The following SRPK1 variants were observed in gnomAD, a reference collection of about 807,000 sequenced individuals.
The protein encoded by SRPK1 is SFRS protein kinase 1.
Under a neutral mutation model 89.5 loss-of-function variants are expected in SRPK1, and 52 were observed. That is an observed-to-expected ratio of 0.58 (90% CI 0.46 to 0.73). The LOEUF (loss-of-function observed/expected upper bound fraction) is 0.73. SRPK1 is among the 30% of genes least tolerant of loss of function. The pLI, the probability that SRPK1 is intolerant of heterozygous loss-of-function variation, is 0.00. For missense variants in SRPK1, 603 were observed against 780.6 expected, an observed-to-expected ratio of 0.77 and a Z score of 2.71; for synonymous variants, 255 against 270.2, an observed-to-expected ratio of 0.94 and a Z score of 0.55.
chr6:35,854,607 T>C (rs1769628828), intron 13 of SRPK1, among the ~76,000 whole-genome samples: 1 of 152,202 alleles, frequency 6.6e-6, no homozygotes, highest in Non-Finnish European at 1.5e-5. Flanking sequence ...GAGGTGAGAT[T>C]AATTACGCCT....
chr6:35,880,742 A>AAAAAAAAAAAAAAAAAAAAG, intron 6 of SRPK1, among the ~76,000 whole-genome samples: 7 of 28,194 alleles, frequency 2.5e-4, no homozygotes, highest in East Asian at 1.0e-3. Context: ...AAAGAAAAAA[A>AAAAAAAAAAAAAAAAAAAAG]AAAAAAAAGA....
intron 12 of SRPK1, 128 bp downstream of exon 12, chr6:35,868,881 TA>T (rs1278458375): frequency 1.5e-5 from 10 of 673,170 alleles, no homozygotes; most frequent in South Asian, 4.5e-5. Flanking sequence ...TTTTTAAATG[TA>T]AAAAAATATT....
Position 35,886,709 on chromosome 6 carries a change from T to C in SRPK1, c.478+15A>G, listed in dbSNP as rs755808542. Reference sequence around the variant, plus strand: ...TTGGGATGATTTATTCTCAAATAGGTTTTTAAAAGGATACGTGTTCCATTA... The same window carrying C: ...TTGGGATGATTTATTCTCAAATAGGCTTTTAAAAGGATACGTGTTCCATTA... On this transcript the variant is annotated intron_variant, in intron 6 of 15. Transcript: ENST00000373825. 2 of 1,468,592 alleles carry C rather than the reference T, an allele frequency of 1.4e-6. No individual in the cohort carries two copies. Among genetic ancestry groups the C allele is most frequent in the Non-Finnish European group, 1.9e-6 (2 of 1,050,802 alleles). 91.0% of individuals were successfully genotyped at this position (1,468,592 alleles called of 1,614,324 possible).
rs746451290 is a variant in SRPK1 at position 35,835,479 on chromosome 6, T to C, written c.1793A>G (p.Lys598Arg). Reference sequence around the variant, plus strand: ...CCAAGGTTTCAGCTTCGTGATATGTTTCAGGTCACCTGCAGTGAAGACAGT... The same window carrying C: ...CCAAGGTTTCAGCTTCGTGATATGTCTCAGGTCACCTGCAGTGAAGACAGT... ...KEFFTKKGDL[K>R]HITKLKPWGL... The change falls in exon 16 of 16, where the codon AAA becomes AGA. Residue 598 changes from lysine to arginine, a missense_variant. Physicochemically the swap from Lys to Arg is conservative, Grantham distance 26 (BLOSUM62 2). Transcript: ENST00000373825. 6.2e-7 allele frequency: 1 copy of C among 1,612,240 alleles called. No homozygotes were observed. The highest frequency in any genetic ancestry group is 1.1e-5 in the South Asian group (1 of 90,596).
chr6:35,888,472 A>G (rs1370398404), intron 4 of SRPK1, among the ~76,000 whole-genome samples: 1 of 152,236 alleles, frequency 6.6e-6, no homozygotes, highest in Admixed American at 6.5e-5. Flanking sequence ...TATATAGGCA[A>G]AAACTAAAAG....
At position 35,870,414 on chromosome 6, in the gene SRPK1, C is replaced by A. The variant is rs375952339; in HGVS notation, c.858G>T (p.Met286Ile). The A allele has an allele frequency of 1.5e-5, 23 of 1,576,206 alleles. No individual in the cohort carries two copies. Among genetic ancestry groups the A allele is most frequent in the Non-Finnish European group, 1.9e-5 (22 of 1,159,256 alleles). ...CTTTCTCCATTTCCTCAATTTCCTG[C>A]ATTCGCTTCTCTAGTAATTCTGCCT... ...KRQAELLEKR[M>I]QEIEEMEKES... The change falls in exon 10 of 16, where the codon ATG becomes ATT. Residue 286 changes from methionine (M) to isoleucine (I), a missense_variant. Coordinates refer to ENST00000373825, the MANE Select transcript of SRPK1 (RefSeq NM_003137.5).
At chr6:35,850,747 AC>A (rs1581994128) in intron 13 of SRPK1, among the ~76,000 whole-genome samples, 1 of 152,162 alleles carries the variant, frequency 6.6e-6, no homozygotes, top group East Asian at 1.9e-4. Flanking sequence ...GCAAACAACA[AC>A]AAAAAAAACC....
intron 6 of SRPK1, among the ~76,000 whole-genome samples, chr6:35,880,746 A>AAAAAAAAAAAAAAAGAAAAAAAG (rs1770263877): frequency 1.1e-5 from 1 of 89,204 alleles, no homozygotes; most frequent in Admixed American, 1.2e-4. Flanking sequence ...AAAAAAAAAA[A>AAAAAAAAAAAAAAAGAAAAAAAG]AAAAGAAAAG....
chr6:35,881,575 G>A (rs1770292403), intron 6 of SRPK1, among the ~76,000 whole-genome samples: 1 of 151,848 alleles, frequency 6.6e-6, no homozygotes, highest in Non-Finnish European at 1.5e-5. Context: ...CATGCAAATA[G>A]TAACCAAACG....
intron 2 of SRPK1, among the ~76,000 whole-genome samples, chr6:35,908,662 A>G (rs986291641): frequency 6.6e-6 from 1 of 152,256 alleles, no homozygotes; most frequent in Non-Finnish European, 1.5e-5. Flanking sequence ...GTGTAGCCTG[A>G]CAATGGGATA....
chr6:35,857,450 TA>T (rs1203908024), intron 12 of SRPK1, 82 bp from the exon 13 acceptor site: 4 of 1,162,560 alleles, frequency 3.4e-6, no homozygotes, highest in Non-Finnish European at 4.9e-6. Flanking sequence ...GAGATGAAAA[TA>T]AACTCTCTGA....
At chr6:35,838,845 GA>G in intron 14 of SRPK1, 5 of 1,354,318 alleles carry the variant, frequency 3.7e-6, no homozygotes, top group Non-Finnish European at 4.9e-6. Context: ...AGCTGTAAAA[GA>G]GGTTTTTCTA....
chr6:35,895,722 T>C (rs767759609), intron 2 of SRPK1: 1 of 152,300 alleles, frequency 6.6e-6, no homozygotes, highest in Non-Finnish European at 1.5e-5. Context: ...GAAGGAATGA[T>C]GCACAGAGAG....
Position 35,891,009 on chromosome 6 carries a change from C to G in SRPK1, c.79G>C (p.Glu27Gln), listed in dbSNP as rs1197757129. Reference protein sequence around the residue: ...AKKDKAQRKSETQHRGSAPHS... With the variant: ...AKKDKAQRKSQTQHRGSAPHS... ...GGAGCAGAGCCTCGGTGCTGAGTTT[C>G]AGATCTAAGAAATGATACAAAAATG... Residue 27 changes from glutamate (E) to glutamine (Q), a missense_variant, in exon 3 of 16, where the codon GAA becomes CAA. Physicochemically the swap from Glu to Gln is conservative, Grantham distance 29. Coordinates refer to ENST00000373825, the MANE Select transcript of SRPK1 (RefSeq NM_003137.5). 2 of 1,549,774 alleles carry G rather than the reference C, an allele frequency of 1.3e-6. No individual in the cohort carries two copies. Among genetic ancestry groups the G allele is most frequent in the African/African-American group, 2.7e-5 (2 of 72,928 alleles).
At chr6:35,902,656 T>C (rs951767661) in intron 2 of SRPK1, among the ~76,000 whole-genome samples, 1 of 152,098 alleles carries the variant, frequency 6.6e-6, no homozygotes, top group African/African-American at 2.4e-5. Context: ...CTAACAATGG[T>C]GTTGGAGGCA....
intron 12 of SRPK1, among the ~76,000 whole-genome samples, 157 bp from the exon 13 acceptor site, chr6:35,857,525 C>T (rs1198266774): frequency 2.6e-5 from 4 of 152,324 alleles, no homozygotes. Flanking sequence ...ATGTTATTAG[C>T]TCCAACAATC....
At chr6:35,878,401 T>C (rs1164019389) in intron 6 of SRPK1, among the ~76,000 whole-genome samples, 1 of 152,226 alleles carries the variant, frequency 6.6e-6, no homozygotes, top group Non-Finnish European at 1.5e-5. Context: ...ACCAGAAATC[T>C]GTTTCCCCAC....
rs1415608133 is a variant in SRPK1, at chr6:35,869,503, T to C, written c.1390A>G (p.Asn464Asp). 6.2e-7 allele frequency: 1 copy of C among 1,613,910 alleles called. No individual in the cohort carries two copies. The highest frequency in any genetic ancestry group is 8.5e-7 in the Non-Finnish European group (1 of 1,179,818). ...GTACCTTTGTTGTCCAGTGGTCCGT[T>C]ATGTTCTTGCTCTTGTTCATCTTCA... ...PCEDEQEQEH[N>D]GPLDNKGKST... The change falls in exon 11 of 16, where the codon AAC becomes GAC. Residue 464 changes from asparagine (N) to aspartate (D), a missense_variant. Coordinates refer to ENST00000373825, the MANE Select transcript of SRPK1 (RefSeq NM_003137.5).
At chr6:35,906,580 T>C (rs1770852679) in intron 2 of SRPK1, among the ~76,000 whole-genome samples, 1 of 152,188 alleles carries the variant, frequency 6.6e-6, no homozygotes, top group Non-Finnish European at 1.5e-5. Context: ...TATGATTCCA[T>C]TTATATGAAA....
Sources: allele counts gnomAD v4.1 joint callset (sites outside exome capture counted in the v4.1 genomes callset), GRCh38; gene constraint gnomAD v4.1.1; transcripts MANE v1.5; gene names NCBI Gene and HGNC (gene_info 2026-07-23, HGNC 2026-07-21).